The following ITPR1 variants were observed in gnomAD, a reference collection of about 807,000 sequenced individuals.
ITPR1 encodes the protein inositol 1,4,5-trisphosphate-gated calcium channel ITPR1.
ITPR1 carries 96 observed loss-of-function variants against 318.4 expected under a neutral mutation model. The observed-to-expected ratio is 0.30, with a 90% CI of 0.26 to 0.36. ITPR1 has a LOEUF of 0.36. ITPR1 is among the 10% of genes least tolerant of loss of function. ITPR1 has a pLI of 1.00. For synonymous variants in ITPR1, 1,312 were observed against 1,289.9 expected (o/e 1.02, Z -0.37); for missense variants, 2,440 against 3,460.2 (o/e 0.71, Z 7.40).
chr3:4,610,825 C>T (rs2092025872), intron 4 of ITPR1, among the ~76,000 whole-genome samples: 1 of 151,748 alleles, frequency 6.6e-6, no homozygotes, highest in Non-Finnish European at 1.5e-5. Context: ...GGCAAATTTT[C>T]TTTTTCCTTC....
chr3:4,842,933 G>T (rs1338742363), intron 61 of ITPR1, among the ~76,000 whole-genome samples: 1 of 152,154 alleles, frequency 6.6e-6, no homozygotes, highest in Non-Finnish European at 1.5e-5. Context: ...GGTGGGGTAG[G>T]TAAGTAGATA....
chr3:4,565,567 C>T (rs1021303476), intron 4 of ITPR1, among the ~76,000 whole-genome samples: 2 of 152,194 alleles, frequency 1.3e-5, no homozygotes, highest in African/African-American at 4.8e-5. Flanking sequence ...AATAAACAGT[C>T]TTTCTCCTTC....
chr3:4,667,188 G>A lies in ITPR1; in HGVS notation c.1714-189G>A, dbSNP rs114038803. 7.6e-3 allele frequency among the ~76,000 whole-genome samples: 1,152 copies of A among 152,302 alleles called. 19 individuals are homozygous for A. The highest frequency in any genetic ancestry group is 0.025 in the African/African-American group (1,056 of 41,572). On this transcript the variant is annotated intron_variant, in intron 17 of 61. Coordinates refer to ENST00000649015, the MANE Select transcript of ITPR1 (RefSeq NM_001378452.1). ...ACATTTGTGTGGCAGGCTTAGAAAA[G>A]TAAAGGATGTGAAGGAGTTTGCAGC...
At chr3:4,516,405 T>C in intron 2 of ITPR1, 71 bp from the exon 3 acceptor site, 1 of 806,708 alleles carries the variant, frequency 1.2e-6, no homozygotes, top group Non-Finnish European at 2.0e-6. Context: ...CTAAGCCAAC[T>C]CTTAGTGACT....
At chr3:4,767,885 C>T (rs571379962) in intron 45 of ITPR1, among the ~76,000 whole-genome samples, 1 of 152,250 alleles carries the variant, frequency 6.6e-6, no homozygotes, top group East Asian at 1.9e-4. Context: ...ATTGAGGTAC[C>T]TCCATTTTAC....
intron 51 of ITPR1, among the ~76,000 whole-genome samples, chr3:4,784,242 T>C (rs1400568992): frequency 1.3e-5 from 2 of 152,046 alleles, no homozygotes; most frequent in East Asian, 3.9e-4. Flanking sequence ...CTGAAGAAAT[T>C]TCATCTGAAC....
In ITPR1 at chr3:4,814,523, G is replaced by A. The variant is rs2049155852; in HGVS notation, c.7662G>A (p.Gly2554=). 1 of 1,613,530 alleles carries A rather than the reference G, an allele frequency of 6.2e-7. No individual in the cohort carries two copies. Among genetic ancestry groups the A allele is most frequent in the Admixed American group, 1.7e-5 (1 of 59,996 alleles). Residue 2554 remains glycine, a synonymous_variant, in exon 58 of 62, where the codon GGG becomes GGA. Transcript: ENST00000649015. ...VTVLSHGLRS[G]GGVGDVLRKP... ...TGCTGAGTCACGGGCTGCGGAGCGGGGGTGGAGTAGGAGATGTACTCAGGA... is the reference window on the plus strand; with the variant it reads ...TGCTGAGTCACGGGCTGCGGAGCGGAGGTGGAGTAGGAGATGTACTCAGGA...
chr3:4,530,687 A>C (rs1179178885), intron 4 of ITPR1, among the ~76,000 whole-genome samples: 1 of 152,156 alleles, frequency 6.6e-6, no homozygotes, highest in African/African-American at 2.4e-5. Context: ...AGGCTGAGGC[A>C]GGAGGGTTGC....
At chr3:4,769,130 C>T (rs954672882) in intron 46 of ITPR1, among the ~76,000 whole-genome samples, 2 of 152,074 alleles carry the variant, frequency 1.3e-5, no homozygotes, top group African/African-American at 4.8e-5. Context: ...GAACTCCTGA[C>T]CTCAAGTGAT....
chr3:4,615,279 G>A (rs184071057), intron 4 of ITPR1, among the ~76,000 whole-genome samples: 4 of 152,122 alleles, frequency 2.6e-5, no homozygotes, highest in Admixed American at 6.5e-5. Context: ...AGTGTGGGCA[G>A]GTACCTGTGT....
chr3:4,640,964 T>C (rs755755630), intron 6 of ITPR1, among the ~76,000 whole-genome samples: 8 of 152,170 alleles, frequency 5.3e-5, no homozygotes, highest in Non-Finnish European at 1.0e-4. Context: ...TTATTTATTT[T>C]AGCTAGGGGT....
rs150306103 is a variant in ITPR1 at position 4,622,612 on chromosome 3, C to T, written c.164-5151C>T. On this transcript the variant is annotated intron_variant, in intron 4 of 61. Coordinates refer to ENST00000649015, the MANE Select transcript of ITPR1 (RefSeq NM_001378452.1). ...CTAATTTTTGTATTTTTAGTAGACA[C>T]GGGGTTTCACCATGTTGGCCTCCAT... Among the ~76,000 whole-genome samples, 425 of 150,886 alleles carry T rather than the reference C, an allele frequency of 2.8e-3. 2 individuals are homozygous for T. Among genetic ancestry groups the T allele is most frequent in the African/African-American group, 9.1e-3 (375 of 41,038 alleles).
At chr3:4,708,525 C>G (rs1280509875) in intron 37 of ITPR1, among the ~76,000 whole-genome samples, 2 of 152,192 alleles carry the variant, frequency 1.3e-5, no homozygotes, top group African/African-American at 2.4e-5. Flanking sequence ...GCTTCCTGAT[C>G]CCACTATGCT....
At chr3:4,530,613 G>A (rs1212611817) in intron 4 of ITPR1, among the ~76,000 whole-genome samples, 2 of 152,090 alleles carry the variant, frequency 1.3e-5, no homozygotes, top group African/African-American at 4.8e-5. Flanking sequence ...GTGAGATCCT[G>A]TCTCTACAAA....
chr3:4,496,625 G>C (rs2080593817), intron 2 of ITPR1, among the ~76,000 whole-genome samples: 1 of 152,208 alleles, frequency 6.6e-6, no homozygotes, highest in South Asian at 2.1e-4. Flanking sequence ...AAGATCAAGA[G>C]TCTTTTCTTC....
intron 4 of ITPR1, among the ~76,000 whole-genome samples, chr3:4,536,402 G>T (rs1477207532): frequency 6.6e-6 from 1 of 152,156 alleles, no homozygotes; most frequent in Non-Finnish European, 1.5e-5. Context: ...TGTTTCTGTA[G>T]TGGCATCTCA....
rs538694703 is a variant in ITPR1, at chr3:4,676,589, C to G, written c.2780-25C>G. On this transcript the variant is annotated intron_variant, in intron 23 of 61. Transcript: ENST00000649015. ...GAGCATTCTCTAGAGACATTGTGAC[C>G]GTGGTCTCTCCTGGCCTTTCCTAGG... 4.2e-5 allele frequency: 67 copies of G among 1,598,752 alleles called. 1 individual carries two copies. The Admixed American group carries it at 9.2e-4, about 22-fold the overall frequency.
chr3:4,592,319 A>C (rs1229059735), intron 4 of ITPR1, among the ~76,000 whole-genome samples: 1 of 152,220 alleles, frequency 6.6e-6, no homozygotes, highest in Admixed American at 6.5e-5. Flanking sequence ...CTTGTCTTTT[A>C]GTTCTAACAC....
intron 30 of ITPR1, among the ~76,000 whole-genome samples, chr3:4,687,273 C>T (rs1406372468): frequency 1.3e-5 from 2 of 152,216 alleles, no homozygotes; most frequent in South Asian, 4.1e-4. Context: ...AGCTTGCTGA[C>T]CTCAGTCTAG....
Sources: gnomAD v4.1 joint callset for allele counts (sites outside exome capture counted in the v4.1 genomes callset) on GRCh38, gnomAD v4.1.1 for gene constraint, MANE v1.5 for transcripts, NCBI Gene and HGNC (gene_info 2026-07-23, HGNC 2026-07-21) for gene names.